CALM2: variants seen among roughly 807,000 people sequenced by gnomAD.
CALM2 encodes calmodulin-2.
CALM2 carries 2 observed loss-of-function variants against 19.8 expected under a neutral mutation model. The observed-to-expected ratio is 0.10, with a 90% CI of 0.04 to 0.32. CALM2 has a LOEUF of 0.32. Ranked by LOEUF, CALM2 falls within the 10% of genes least tolerant of loss-of-function variation. The pLI is 1.00. For synonymous variants in CALM2, 51 were observed against 52.1 expected, an observed-to-expected ratio of 0.98 and a Z score of 0.09; for missense variants, 38 against 178.7, an observed-to-expected ratio of 0.21 and a Z score of 4.49.
chr2:47,162,159 T>G (rs574880078), intron 4 of CALM2, 127 bp downstream of exon 4: 1 of 491,434 alleles, frequency 2.0e-6, no homozygotes, highest in South Asian at 3.4e-5. Flanking sequence ...TTAAAATATG[T>G]TGGTAAATCA....
At chr2:47,164,115 A>G (rs1246340503) in intron 2 of CALM2, among the ~76,000 whole-genome samples, 1 of 151,434 alleles carries the variant, frequency 6.6e-6, no homozygotes, top group Non-Finnish European at 1.5e-5. Context: ...GCGGGCGCCT[A>G]TAGTCCCAGC....
At chr2:47,165,771 G>GA (rs1306365933) in intron 2 of CALM2, among the ~76,000 whole-genome samples, 1 of 152,116 alleles carries the variant, frequency 6.6e-6, no homozygotes, top group Non-Finnish European at 1.5e-5. Context: ...CCTGGCTGAT[G>GA]ACAAGCAAAA....
intron 5 of CALM2, 37 bp downstream of exon 5, chr2:47,161,686 C>G: frequency 1.9e-6 from 3 of 1,575,916 alleles, no homozygotes; most frequent in Non-Finnish European, 2.6e-6. Context: ...TCTTAAAAAT[C>G]AAAGTGAAGA....
chr2:47,174,710 A>T (rs971967500), intron 1 of CALM2, among the ~76,000 whole-genome samples: 2 of 152,186 alleles, frequency 1.3e-5, no homozygotes, highest in Non-Finnish European at 2.9e-5. Flanking sequence ...TACTGATTCA[A>T]TTATCAAAAC....
chr2:47,160,853 A>T, intron 5 of CALM2, 49 bp from the exon 6 acceptor site: 1 of 50,906 alleles, frequency 2.0e-5, no homozygotes, highest in Non-Finnish European at 4.2e-5. Context: ...AAAAGACCAA[A>T]AAAAAAAAAA....
chr2:47,174,747 T>C (rs1449195574), intron 1 of CALM2, among the ~76,000 whole-genome samples: 1 of 152,000 alleles, frequency 6.6e-6, no homozygotes, highest in Non-Finnish European at 1.5e-5. Context: ...TACCCTTCGT[T>C]TATTTAAAAA....
At chr2:47,171,033 C>T (rs1558699757) in intron 1 of CALM2, 2 of 380,166 alleles carry the variant, frequency 5.3e-6, no homozygotes, top group Non-Finnish European at 9.6e-6. Context: ...CCTTTTTCAA[C>T]GTTAGAATAG....
At chr2:47,167,814 C>CTTCTTTTTTTTTTTTTTTTTTTTTTTT in intron 2 of CALM2, 1 of 96,526 alleles carries the variant, frequency 1.0e-5, no homozygotes, top group South Asian at 3.4e-4. Context: ...TTTTTCTTTT[C>CTTCTTTTTTTTTTTTTTTTTTTTTTTT]TTTGAGACAG....
chr2:47,172,288 GA>G (rs1451610111), intron 1 of CALM2: 18 of 334,284 alleles, frequency 5.4e-5, no homozygotes, highest in South Asian at 2.4e-5. Context: ...GGCGTGGGGG[GA>G]AAGCATCAAG....
intron 2 of CALM2, among the ~76,000 whole-genome samples, chr2:47,165,983 G>C (rs1169973472): frequency 6.6e-6 from 1 of 152,118 alleles, no homozygotes; most frequent in Non-Finnish European, 1.5e-5. Context: ...TATTACAATT[G>C]CCTCCTAACT....
intron 2 of CALM2, among the ~76,000 whole-genome samples, chr2:47,168,400 G>C (rs192497774): frequency 1.3e-5 from 2 of 152,250 alleles, no homozygotes; most frequent in East Asian, 3.9e-4. Context: ...AAAGAGAACA[G>C]GTCCTGAATG....
chr2:47,170,673 C>A, intron 2 of CALM2, 61 bp downstream of exon 2: 2 of 1,218,452 alleles, frequency 1.6e-6, no homozygotes, highest in Non-Finnish European at 2.4e-6. Flanking sequence ...CTTATTCTGA[C>A]GTTGGCTATT....
intron 3 of CALM2, 33 bp from the exon 4 acceptor site, chr2:47,162,425 A>G (rs1401617957): frequency 1.9e-6 from 3 of 1,603,820 alleles, no homozygotes; most frequent in Admixed American, 3.4e-5. Flanking sequence ...TCAAAGCTTT[A>G]GTGGAAACAT....
At chr2:47,168,880 T>A (rs1666577243) in intron 2 of CALM2, among the ~76,000 whole-genome samples, 1 of 151,886 alleles carries the variant, frequency 6.6e-6, no homozygotes, top group Admixed American at 6.5e-5. Flanking sequence ...CAGGTTCAAG[T>A]GATTCTCCTG....
rs776073996 is a variant in CALM2 at position 47,176,466 on chromosome 2, G to A, written c.-23C>T. On this transcript the variant is annotated 5_prime_UTR_variant, in exon 1 of 6. Transcript: ENST00000272298. ...CATGCTGCAAGCGCTACCGGTTTCCGAGACGCGACCACACAACCACTCAGC... is the reference window on the plus strand; with the variant it reads ...CATGCTGCAAGCGCTACCGGTTTCCAAGACGCGACCACACAACCACTCAGC... 35 of 1,613,454 alleles carry A rather than the reference G, an allele frequency of 2.2e-5. No individual in the cohort carries two copies. Among genetic ancestry groups the A allele is most frequent in the South Asian group, 9.9e-5 (9 of 91,032 alleles).
At chr2:47,163,496 A>C (rs2103827642) in intron 2 of CALM2, 1 of 151,376 alleles carries the variant, frequency 6.6e-6, no homozygotes, top group Non-Finnish European at 1.5e-5. Flanking sequence ...GCAATGGTGC[A>C]ATCTCAGCCC....
At chr2:47,161,964 CT>C in intron 4 of CALM2, 106 bp from the exon 5 acceptor site, 2 of 919,584 alleles carry the variant, frequency 2.2e-6, no homozygotes, top group Non-Finnish European at 3.4e-6. Flanking sequence ...GAAAAACATA[CT>C]TTAGAAATGC....
intron 1 of CALM2, among the ~76,000 whole-genome samples, chr2:47,175,081 G>GTTTTTTTT (rs563702873): frequency 0.046 from 3,596 of 77,728 alleles, 339 homozygotes; most frequent in Admixed American, 0.08. Context: ...CTCATTAGGT[G>GTTTTTTTT]TTTTTTTTTT....
chr2:47,170,677 G>A, intron 2 of CALM2, 57 bp downstream of exon 2: 1 of 1,270,752 alleles, frequency 7.9e-7, no homozygotes, highest in Non-Finnish European at 1.2e-6. Context: ...TTCTGACGTT[G>A]GCTATTCAAT....
Sources: allele counts gnomAD v4.1 joint callset (sites outside exome capture counted in the v4.1 genomes callset), GRCh38; gene constraint gnomAD v4.1.1; transcripts MANE v1.5; gene names NCBI Gene and HGNC (gene_info 2026-07-23, HGNC 2026-07-21).